HIVEP3: variants seen among roughly 807,000 people sequenced by gnomAD.
HIVEP3 encodes the protein transcription factor HIVEP3.
HIVEP3 carries 49 observed loss-of-function variants against 152.8 expected under a neutral mutation model. The observed-to-expected ratio is 0.32, with a 90% CI of 0.26 to 0.41. HIVEP3 has a LOEUF of 0.41. Among genes scored for constraint, HIVEP3 ranks in the 10% least tolerant of loss-of-function variants. The pLI is 1.00. For missense variants in HIVEP3, 2,790 were observed against 3,103.3 expected, an observed-to-expected ratio of 0.90 and a Z score of 2.40; for synonymous variants, 1,269 against 1,289.0, an observed-to-expected ratio of 0.98 and a Z score of 0.33.
chr1:41,794,610 A>T (rs976227849), intron 1 of HIVEP3, among the ~76,000 whole-genome samples: 4 of 152,150 alleles, frequency 2.6e-5, no homozygotes, highest in African/African-American at 9.7e-5. Context: ...AAACAAAAAA[A>T]CCCTAAGTAT....
chr1:41,558,788 C>T (rs1235016218), intron 5 of HIVEP3, among the ~76,000 whole-genome samples: 1 of 152,220 alleles, frequency 6.6e-6, no homozygotes, highest in Non-Finnish European at 1.5e-5. Context: ...TGGCTGGCCA[C>T]ATTTGGCCCA....
intron 1 of HIVEP3, among the ~76,000 whole-genome samples, chr1:41,896,189 C>A (rs1169430801): frequency 6.6e-6 from 1 of 152,110 alleles, no homozygotes; most frequent in Admixed American, 6.5e-5. Flanking sequence ...AGCAGTTTTC[C>A]ACTCTGTAAA....
chr1:42,017,173 T>A (rs1230007940), intron 1 of HIVEP3, among the ~76,000 whole-genome samples: 1 of 152,258 alleles, frequency 6.6e-6, no homozygotes, highest in African/African-American at 2.4e-5. Context: ...TTTTTTCCAA[T>A]TCATGTTTCT....
At chr1:41,527,170 CCA>C (rs755528588) in intron 5 of HIVEP3, among the ~76,000 whole-genome samples, 7 of 114,016 alleles carry the variant, frequency 6.1e-5, no homozygotes, top group Admixed American at 1.8e-4. Flanking sequence ...TCTCACACAC[CCA>C]CACACCCACT....
intron 1 of HIVEP3, among the ~76,000 whole-genome samples, chr1:41,779,336 C>T (rs1322909694): frequency 6.6e-6 from 1 of 152,150 alleles, no homozygotes; most frequent in Non-Finnish European, 1.5e-5. Flanking sequence ...GTAAACTGCT[C>T]TTGGTGACTC....
intron 1 of HIVEP3, among the ~76,000 whole-genome samples, chr1:41,871,625 G>A (rs763380059): frequency 2.0e-5 from 3 of 152,218 alleles, no homozygotes; most frequent in Non-Finnish European, 4.4e-5. Context: ...TTTCCACAGA[G>A]GGTGGGATCA....
intron 2 of HIVEP3, among the ~76,000 whole-genome samples, chr1:41,634,121 TAA>T (rs11337584): frequency 2.8e-4 from 40 of 142,042 alleles, no homozygotes; most frequent in African/African-American, 5.1e-4. Flanking sequence ...CATCTTTTCT[TAA>T]AAAAAAAAAA....
chr1:41,724,086 C>T lies in HIVEP3; in HGVS notation c.-800-23091G>A, dbSNP rs548229866. Among the ~76,000 whole-genome samples, 35 of 152,238 alleles carry T rather than the reference C, an allele frequency of 2.3e-4. No individual in the cohort carries two copies. In the South Asian group the frequency reaches 6.2e-3, roughly 27 times the overall value. ...ATATCATGAGGGGGGAGGGGCAGCT[C>T]GAGGATGAATCTTTTTCTCCAGGTT... On this transcript the variant is annotated intron_variant, in intron 1 of 8. Coordinates refer to ENST00000372583, the MANE Select transcript of HIVEP3 (RefSeq NM_024503.5).
upstream of HIVEP3, among the ~76,000 whole-genome samples, chr1:41,922,745 C>T (rs1644947762): frequency 3.1e-5 from 4 of 129,662 alleles, no homozygotes. Context: ...ATAATTATAA[C>T]AAAAAAATAG....
intron 1 of HIVEP3, among the ~76,000 whole-genome samples, chr1:41,746,723 C>T (rs905418281): frequency 6.6e-6 from 1 of 152,176 alleles, no homozygotes; most frequent in Non-Finnish European, 1.5e-5. Context: ...TGGAGCTTGG[C>T]CCCTTCCCCT....
intron 1 of HIVEP3, among the ~76,000 whole-genome samples, chr1:41,908,174 T>C (rs878887666): frequency 1.3e-5 from 2 of 152,186 alleles, no homozygotes; most frequent in African/African-American, 2.4e-5. Context: ...CTCACTCTGT[T>C]CCAGGTTTGG....
At chr1:41,954,999 A>T (rs1328260558) in intron 1 of HIVEP3, among the ~76,000 whole-genome samples, 3 of 151,638 alleles carry the variant, frequency 2.0e-5, no homozygotes, top group Non-Finnish European at 4.4e-5. Context: ...TCCACTGAGA[A>T]GATCAAAATT....
chr1:41,642,984 C>T (rs558856787), intron 2 of HIVEP3, among the ~76,000 whole-genome samples: 2 of 152,254 alleles, frequency 1.3e-5, no homozygotes, highest in Admixed American at 6.5e-5. Context: ...CAGCCTCCAC[C>T]TTCCATATGT....
chr1:41,942,241 G>A (rs575117253), intron 1 of HIVEP3, among the ~76,000 whole-genome samples: 4 of 152,284 alleles, frequency 2.6e-5, no homozygotes, highest in African/African-American at 9.6e-5. Context: ...CCATATGGGT[G>A]TCCCATGAGC....
At chr1:41,992,394 C>T (rs1277139521) in intron 1 of HIVEP3, among the ~76,000 whole-genome samples, 1 of 134,928 alleles carries the variant, frequency 7.4e-6, no homozygotes, top group African/African-American at 3.0e-5. Flanking sequence ...AACTCCCATT[C>T]ACAATTGCTT....
At chr1:41,567,582 G>T (rs534135070) in intron 5 of HIVEP3, among the ~76,000 whole-genome samples, 1 of 152,298 alleles carries the variant, frequency 6.6e-6, no homozygotes, top group Admixed American at 6.5e-5. Flanking sequence ...ATAAGGCAGG[G>T]CCCTGATAGC....
chr1:41,989,162 G>C (rs1645341866), intron 1 of HIVEP3, among the ~76,000 whole-genome samples: 1 of 152,128 alleles, frequency 6.6e-6, no homozygotes, highest in Non-Finnish European at 1.5e-5. Flanking sequence ...GGTGGTTATA[G>C]TTAATAACAA....
chr1:41,586,486 T>C (rs1270892038), intron 3 of HIVEP3, among the ~76,000 whole-genome samples: 1 of 152,224 alleles, frequency 6.6e-6, no homozygotes, highest in East Asian at 1.9e-4. Flanking sequence ...TCCCCTGGCA[T>C]CCCTTGGCGA....
chr1:41,530,668 C>G (rs1558034050), intron 5 of HIVEP3, among the ~76,000 whole-genome samples: 1 of 152,304 alleles, frequency 6.6e-6, no homozygotes, highest in East Asian at 1.9e-4. Context: ...GTCCTTCAGC[C>G]TAGCCTTCAC....
Sources: gnomAD v4.1 joint callset for allele counts (sites outside exome capture counted in the v4.1 genomes callset) on GRCh38, gnomAD v4.1.1 for gene constraint, MANE v1.5 for transcripts, NCBI Gene and HGNC (gene_info 2026-07-23, HGNC 2026-07-21) for gene names.